GPHN: variants seen among roughly 807,000 people sequenced by gnomAD.
The protein encoded by GPHN is gephyrin.
Under a neutral mutation model 95.5 loss-of-function variants are expected in GPHN, and 17 were observed. That is an observed-to-expected ratio of 0.18 (90% CI 0.12 to 0.27). GPHN has a LOEUF of 0.27. GPHN is among the 10% of genes least tolerant of loss of function. The pLI, the probability that GPHN is intolerant of heterozygous loss-of-function variation, is 1.00. For synonymous variants in GPHN, 320 were observed against 322.5 expected, an observed-to-expected ratio of 0.99 and a Z score of 0.08; for missense variants, 660 against 978.1, an observed-to-expected ratio of 0.67 and a Z score of 4.34.
intron 1 of GPHN, among the ~76,000 whole-genome samples, chr14:66,588,039 G>A (rs1407805225): frequency 6.6e-5 from 10 of 152,196 alleles, no homozygotes; most frequent in Non-Finnish European, 8.8e-5. Context: ...TCCAGAGGAA[G>A]GAACAGGTAG....
At chr14:66,583,037 C>G (rs1161940229) in intron 1 of GPHN, among the ~76,000 whole-genome samples, 1 of 152,058 alleles carries the variant, frequency 6.6e-6, no homozygotes, top group African/African-American at 2.4e-5. Context: ...CACATCCTCT[C>G]CAGCACCTGT....
the GPHN span, among the ~76,000 whole-genome samples, chr14:67,330,072 A>G: frequency 0.031 from 4,596 of 150,610 alleles, 89 homozygotes; most frequent in Non-Finnish European, 0.036. Context: ...GAGAGAATAT[A>G]TGCCAGACAA....
At chr14:67,279,740 G>A in the GPHN span, 1 of 442,634 alleles carries the variant, frequency 2.3e-6, no homozygotes, top group Non-Finnish European at 3.9e-6. Context: ...TGGCTTAAAT[G>A]TTAAGTCACT....
intron 1 of GPHN, among the ~76,000 whole-genome samples, chr14:66,577,043 A>G (rs1196306374): frequency 1.4e-4 from 22 of 152,162 alleles, no homozygotes; most frequent in Admixed American, 1.4e-3. Flanking sequence ...AAAATAGTCT[A>G]TAGCAGCGCA....
At chr14:67,010,396 C>CA (rs996737507) in intron 9 of GPHN, among the ~76,000 whole-genome samples, 33 of 150,952 alleles carry the variant, frequency 2.2e-4, no homozygotes, top group African/African-American at 6.3e-4. Flanking sequence ...TAAAAAAATA[C>CA]AAAAAATTAG....
intron 8 of GPHN, among the ~76,000 whole-genome samples, chr14:66,924,537 A>C (rs1479512608): frequency 6.6e-6 from 1 of 152,150 alleles, no homozygotes; most frequent in Admixed American, 6.5e-5. Context: ...ACTTTTATCA[A>C]ATGACTTGCA....
chr14:67,547,622 G>T, the GPHN span, among the ~76,000 whole-genome samples: 8 of 152,086 alleles, frequency 5.3e-5, no homozygotes, highest in African/African-American at 1.9e-4. Context: ...ACTGCAGGCT[G>T]CTCACTGCTG....
At chr14:66,629,205 ATATT>A (rs79358428) in intron 1 of GPHN, among the ~76,000 whole-genome samples, 216 of 139,980 alleles carry the variant, frequency 1.5e-3, no homozygotes, top group Middle Eastern at 3.7e-3. Flanking sequence ...ATATAAATAT[ATATT>A]TATATACATA....
chr14:66,917,102 A>G (rs1017534731), intron 6 of GPHN, among the ~76,000 whole-genome samples: 16 of 152,222 alleles, frequency 1.1e-4, no homozygotes, highest in African/African-American at 3.4e-4. Context: ...GTACAGAACT[A>G]TATATCATAG....
the GPHN span, among the ~76,000 whole-genome samples, chr14:67,477,752 T>C: frequency 6.6e-6 from 1 of 152,214 alleles, no homozygotes; most frequent in South Asian, 2.1e-4. Flanking sequence ...GACAATGCAG[T>C]GAGACTCTGT....
At chr14:67,616,698 T>TA in the GPHN span, 7 of 150,900 alleles carry the variant, frequency 4.6e-5, no homozygotes, top group African/African-American at 1.7e-4. Flanking sequence ...TTTTTTTTTT[T>TA]AAATATTTGC....
chr14:67,625,582 AG>A, the GPHN span, among the ~76,000 whole-genome samples: 1,361 of 149,348 alleles, frequency 9.1e-3, 17 homozygotes, highest in Non-Finnish European at 0.012. Context: ...CGGGAGGCTG[AG>A]GCAGGAGAAT....
the GPHN span, among the ~76,000 whole-genome samples, chr14:67,193,593 A>C: frequency 6.9e-6 from 1 of 145,546 alleles, no homozygotes; most frequent in South Asian, 2.1e-4. Context: ...AGATATAGAT[A>C]TATATCTATA....
the GPHN span, among the ~76,000 whole-genome samples, chr14:67,326,861 T>A: frequency 6.6e-6 from 1 of 152,170 alleles, no homozygotes; most frequent in Non-Finnish European, 1.5e-5. Context: ...TATCCATTCT[T>A]CAGTTAAAAA....
the GPHN span, among the ~76,000 whole-genome samples, chr14:67,618,942 A>C: frequency 3.3e-5 from 5 of 152,190 alleles, no homozygotes; most frequent in African/African-American, 9.7e-5. Context: ...AGGTGAAATA[A>C]ATTTCAGGAG....
the GPHN span, chr14:67,733,935 C>T: frequency 1.9e-5 from 19 of 992,276 alleles, no homozygotes; most frequent in Admixed American, 3.8e-5. Flanking sequence ...AAGGATTGTC[C>T]TCTTGGCCAG....
chr14:67,303,076 C>T, the GPHN span, among the ~76,000 whole-genome samples: 13 of 152,180 alleles, frequency 8.5e-5, no homozygotes, highest in Non-Finnish European at 1.9e-4. Context: ...CTTATTCGCA[C>T]TAGCTGCATT....
At chr14:66,620,537 G>A (rs565222319) in intron 1 of GPHN, among the ~76,000 whole-genome samples, 10 of 152,106 alleles carry the variant, frequency 6.6e-5, no homozygotes, top group African/African-American at 1.2e-4. Flanking sequence ...AGAACAGCAC[G>A]GGAAATACCT....
the GPHN span, among the ~76,000 whole-genome samples, chr14:67,316,547 A>C: frequency 2.6e-5 from 4 of 152,202 alleles, no homozygotes; most frequent in Admixed American, 6.5e-5. Context: ...CCACAAAGTA[A>C]ATGCTCAATG....
Sources: allele counts gnomAD v4.1 joint callset (sites outside exome capture counted in the v4.1 genomes callset), GRCh38; gene constraint gnomAD v4.1.1; transcripts MANE v1.5; gene names NCBI Gene and HGNC (gene_info 2026-07-23, HGNC 2026-07-21).